The following ATRNL1 variants were observed in gnomAD, a reference collection of about 807,000 sequenced individuals.
ATRNL1 encodes the protein attractin-like protein 1.
In ATRNL1, 95 loss-of-function variants were observed where a neutral mutation model predicts 182.7. The observed-to-expected ratio is 0.52, with a 90% confidence interval of 0.44 to 0.62. ATRNL1 has a LOEUF of 0.62. ATRNL1 is among the 20% of genes least tolerant of loss of function. The pLI is 0.00. For missense variants in ATRNL1, 1,471 were observed against 1,679.5 expected (o/e 0.88, Z 2.17); for synonymous variants, 576 against 568.3 (o/e 1.01, Z -0.19).
intron 19 of ATRNL1, among the ~76,000 whole-genome samples, chr10:115,361,262 T>C (rs1217935751): frequency 6.6e-6 from 1 of 152,054 alleles, no homozygotes; most frequent in African/African-American, 2.4e-5. Context: ...GTTGGCTTTC[T>C]ACTATAATGA....
At chr10:115,396,624 T>C (rs1298839444) in intron 20 of ATRNL1, among the ~76,000 whole-genome samples, 2 of 151,968 alleles carry the variant, frequency 1.3e-5, no homozygotes, top group African/African-American at 4.8e-5. Flanking sequence ...AATGAAAATA[T>C]TTTCTGTAGA....
At chr10:115,780,596 C>T (rs893839450) in intron 27 of ATRNL1, among the ~76,000 whole-genome samples, 3 of 152,188 alleles carry the variant, frequency 2.0e-5, no homozygotes, top group Non-Finnish European at 2.9e-5. Context: ...AGGACTTTGT[C>T]TTGCAACCTG....
chr10:115,341,975 C>G (rs955852328), intron 19 of ATRNL1, among the ~76,000 whole-genome samples: 8 of 152,010 alleles, frequency 5.3e-5, no homozygotes, highest in Non-Finnish European at 1.0e-4. Context: ...TTCAGCCACT[C>G]TCTTGATTGA....
At chr10:115,362,103 T>A (rs1326639284) in intron 19 of ATRNL1, among the ~76,000 whole-genome samples, 6 of 151,994 alleles carry the variant, frequency 3.9e-5, no homozygotes, top group East Asian at 1.9e-4. Context: ...GAAAAAAAAA[T>A]TTACACTTCT....
At chr10:115,361,445 C>T (rs1386490471) in intron 19 of ATRNL1, among the ~76,000 whole-genome samples, 1 of 151,978 alleles carries the variant, frequency 6.6e-6, no homozygotes, top group African/African-American at 2.4e-5. Flanking sequence ...TTAGTGGGCT[C>T]TGAGCATCAT....
chr10:115,637,115 G>T (rs1448191531), intron 26 of ATRNL1, among the ~76,000 whole-genome samples: 1 of 152,174 alleles, frequency 6.6e-6, no homozygotes. Flanking sequence ...TAACAGAGAA[G>T]AATGTCCATG....
intron 28 of ATRNL1, among the ~76,000 whole-genome samples, chr10:115,936,356 A>G (rs1440735205): frequency 6.6e-6 from 1 of 152,214 alleles, no homozygotes; most frequent in Non-Finnish European, 1.5e-5. Flanking sequence ...GAGGTACAGA[A>G]TCTTTCATAT....
At chr10:115,637,541 T>TA (rs1592987609) in intron 26 of ATRNL1, among the ~76,000 whole-genome samples, 2 of 151,154 alleles carry the variant, frequency 1.3e-5, no homozygotes, top group South Asian at 4.2e-4. Context: ...GTCAGAAAAT[T>TA]AAAAAAATTA....
chr10:115,447,069 A>G (rs185643564), intron 21 of ATRNL1, among the ~76,000 whole-genome samples: 17 of 151,880 alleles, frequency 1.1e-4, no homozygotes, highest in Admixed American at 2.6e-4. Context: ...TTTTCTATTA[A>G]CAAAGTTTTC....
rs114554495 is a variant in ATRNL1, at chr10:115,315,475, A to G, written c.2819-43A>G. 3,697 of 1,343,488 alleles carry G rather than the reference A, an allele frequency of 2.8e-3. 64 individuals are homozygous for G. The African/African-American group carries it at 0.045, about 16-fold the overall frequency. 83.2% of individuals were successfully genotyped at this position (1,343,488 alleles called of 1,614,324 possible). A position where few individuals can be genotyped will look rare whatever the true frequency, so the allele number is the denominator to read the frequency against. ...TATTAGCCTATAATTCTGTTTGAAT[A>G]TATAGTCATGTTAACATATTTGTCA... On this transcript the variant is annotated intron_variant, in intron 17 of 28. Transcript: ENST00000355044.
intron 9 of ATRNL1, among the ~76,000 whole-genome samples, chr10:115,220,936 G>A (rs75065875): frequency 0.012 from 1,788 of 152,120 alleles, 35 homozygotes; most frequent in African/African-American, 0.04. Flanking sequence ...TTGATTTATT[G>A]TGGTCCCTGT....
At chr10:115,536,690 C>T (rs758150824) in intron 25 of ATRNL1, among the ~76,000 whole-genome samples, 1 of 152,236 alleles carries the variant, frequency 6.6e-6, no homozygotes, top group African/African-American at 2.4e-5. Flanking sequence ...GCAGAAATCA[C>T]CCGTCTTCTG....
rs1554971007 is a variant in ATRNL1 at position 115,467,214 on chromosome 10, A to C, written c.3458A>C (p.Asn1153Thr). ...GATATATCAATTAATGCATCAAACAACTTTAATCTCAACATTACGTGGTCT... is the reference window on the plus strand; with the variant it reads ...GATATATCAATTAATGCATCAAACACCTTTAATCTCAACATTACGTGGTCT... Reference protein sequence around the residue: ...NLDISINASNNFNLNITWSVG... With the variant: ...NLDISINASNTFNLNITWSVG... The change falls in exon 23 of 29, where the codon AAC becomes ACC. Residue 1153 changes from asparagine to threonine, a missense_variant. This residue lies in a region of ATRNL1 where 437 missense variants were observed against 506.0 expected (regional missense o/e 0.86). Coordinates refer to ENST00000355044, the MANE Select transcript of ATRNL1 (RefSeq NM_207303.4). 6.2e-7 allele frequency: 1 copy of C among 1,605,524 alleles called. No individual in the cohort carries two copies. Among genetic ancestry groups the C allele is most frequent in the Admixed American group, 1.7e-5 (1 of 59,206 alleles).
intron 13 of ATRNL1, among the ~76,000 whole-genome samples, chr10:115,273,556 T>C (rs1227316700): frequency 6.6e-6 from 1 of 152,206 alleles, no homozygotes; most frequent in Non-Finnish European, 1.5e-5. Context: ...CCAAACAGAA[T>C]AAACATTGAG....
At chr10:115,212,475 A>T (rs1849068468) in intron 8 of ATRNL1, among the ~76,000 whole-genome samples, 1 of 151,882 alleles carries the variant, frequency 6.6e-6, no homozygotes, top group Non-Finnish European at 1.5e-5. Context: ...ATACCATTCA[A>T]CTCAGCAATC....
chr10:115,549,814 G>A (rs908882569), intron 26 of ATRNL1, among the ~76,000 whole-genome samples: 1 of 151,798 alleles, frequency 6.6e-6, no homozygotes, highest in Non-Finnish European at 1.5e-5. Context: ...AAAAAATTTT[G>A]TAATATATTT....
intron 26 of ATRNL1, among the ~76,000 whole-genome samples, chr10:115,562,464 A>G (rs529144104): frequency 6.6e-6 from 1 of 152,318 alleles, no homozygotes; most frequent in Non-Finnish European, 1.5e-5. Flanking sequence ...TGGGTGATTT[A>G]CAAATTTCTT....
chr10:115,588,448 C>G (rs900487751), intron 26 of ATRNL1, among the ~76,000 whole-genome samples: 1 of 152,182 alleles, frequency 6.6e-6, no homozygotes, highest in African/African-American at 2.4e-5. Context: ...AAAGCCAAAA[C>G]TTTAGTAAGA....
intron 28 of ATRNL1, among the ~76,000 whole-genome samples, chr10:115,874,801 T>G (rs1164118344): frequency 2.0e-5 from 3 of 152,050 alleles, no homozygotes; most frequent in Non-Finnish European, 4.4e-5. Flanking sequence ...AAGTGGGAGG[T>G]TGCTAAGAAA....
Sources: allele counts gnomAD v4.1 joint callset (sites outside exome capture counted in the v4.1 genomes callset), GRCh38; gene constraint gnomAD v4.1.1; regional missense constraint gnomAD v4.1.1; transcripts MANE v1.5; gene names NCBI Gene and HGNC (gene_info 2026-07-23, HGNC 2026-07-21).